Variants in ABI3BP observed in about 807,000 individuals in gnomAD.
The protein encoded by ABI3BP is ABI family member 3 binding protein.
A neutral mutation model predicts 268.6 loss-of-function variants in ABI3BP; 216 were observed. That is an observed-to-expected ratio of 0.80 (90% CI 0.72 to 0.90). ABI3BP has a LOEUF of 0.90. ABI3BP is among the 40% of genes least tolerant of loss of function. The pLI, the probability that ABI3BP is intolerant of heterozygous loss-of-function variation, is 0.00. For synonymous variants in ABI3BP, 730 were observed against 730.0 expected, an observed-to-expected ratio of 1.00 and a Z score of 0.00; for missense variants, 2,090 against 2,182.4, an observed-to-expected ratio of 0.96 and a Z score of 0.84.
intron 32 of ABI3BP, among the ~76,000 whole-genome samples, chr3:100,830,372 CA>C (rs763353996): frequency 6.6e-6 from 1 of 151,570 alleles, no homozygotes; most frequent in Non-Finnish European, 1.5e-5. Flanking sequence ...CATTACATTG[CA>C]ATATATAAAC....
At chr3:100,834,148 A>T (rs1025145442) in intron 29 of ABI3BP, among the ~76,000 whole-genome samples, 5 of 152,052 alleles carry the variant, frequency 3.3e-5, no homozygotes, top group Admixed American at 2.6e-4. Context: ...TTTTTCTTAA[A>T]TTTTTTGTAG....
chr3:100,774,519 G>T, intron 61 of ABI3BP, 86 bp downstream of exon 61: 1 of 1,043,478 alleles, frequency 9.6e-7, no homozygotes, highest in Non-Finnish European at 1.4e-6. Flanking sequence ...ACTAAGATTT[G>T]TGGTTTTTTA....
chr3:100,959,257 G>T (rs530820333), intron 1 of ABI3BP, among the ~76,000 whole-genome samples: 2 of 151,828 alleles, frequency 1.3e-5, no homozygotes, highest in African/African-American at 4.8e-5. Flanking sequence ...TTGGGAGGCC[G>T]AGGCGGGCGG....
rs544224334 is a variant in ABI3BP, at chr3:100,838,382, G to T, written c.2008+20C>A. 5 of 1,533,700 alleles carry T rather than the reference G, an allele frequency of 3.3e-6. No individual in the cohort carries two copies. The highest frequency in any genetic ancestry group is 4.4e-6 in the Non-Finnish European group (5 of 1,144,768). ...ATTGTTTTCCTATTTATAGATCAAG[G>T]CATTGAAAGTAATGATTACCAGGCT... On this transcript the variant is annotated intron_variant, in intron 25 of 67. Transcript: ENST00000471714.
At chr3:100,882,460 A>ATT (rs537647839) in intron 6 of ABI3BP, among the ~76,000 whole-genome samples, 17,577 of 148,624 alleles carry the variant, frequency 0.12, 1,219 homozygotes, top group Middle Eastern at 0.2. Flanking sequence ...ATATATATAT[A>ATT]TTTTTTTTGC....
chr3:100,927,344 C>G (rs2062094757), intron 1 of ABI3BP, among the ~76,000 whole-genome samples: 1 of 152,192 alleles, frequency 6.6e-6, no homozygotes, highest in African/African-American at 2.4e-5. Context: ...ACTTCTGTGA[C>G]TCTGGCATCC....
At chr3:100,846,350 C>CA in intron 20 of ABI3BP, 22 bp downstream of exon 20, 2 of 1,524,546 alleles carry the variant, frequency 1.3e-6, no homozygotes, top group Non-Finnish European at 1.8e-6. Context: ...TTGGAATATT[C>CA]AAAAAAGTTT....
intron 1 of ABI3BP, among the ~76,000 whole-genome samples, chr3:100,986,452 A>C (rs77506050): frequency 0.041 from 6,204 of 152,284 alleles, 198 homozygotes; most frequent in African/African-American, 0.086. Flanking sequence ...ATTTGTTATA[A>C]GAAAAAGATA....
At chr3:100,830,102 CATACATACATATATATATATATATAT>C (rs1218529190) in intron 32 of ABI3BP, among the ~76,000 whole-genome samples, 8 of 56,226 alleles carry the variant, frequency 1.4e-4, no homozygotes, top group African/African-American at 5.8e-4. Context: ...TACATACATA[CATACATACATATATATATATATATAT>C]ATATATATAT....
Position 100,824,954 on chromosome 3 carries a change from A to G in ABI3BP, c.2663-13T>C, listed in dbSNP as rs774746215. 6.5e-7 allele frequency: 1 copy of G among 1,534,460 alleles called. No individual in the cohort carries two copies. The highest frequency in any genetic ancestry group is 1.2e-5 in the South Asian group (1 of 83,926). ...GATGTTTTGGTAGCTGAAGGAAGAA[A>G]AAGCCTTGTGTTACTCTAGGTCTTA... On this transcript the variant is annotated splice_polypyrimidine_tract_variant and intron_variant, in intron 35 of 67. Transcript: ENST00000471714.
At chr3:100,820,121 C>A in intron 40 of ABI3BP, 99 bp downstream of exon 40, 1 of 1,050,936 alleles carries the variant, frequency 9.5e-7, no homozygotes, top group South Asian at 1.5e-5. Context: ...CCTTCATCCA[C>A]ATGGTACTCA....
intron 1 of ABI3BP, among the ~76,000 whole-genome samples, chr3:100,933,747 T>C (rs2064719988): frequency 6.6e-6 from 1 of 151,686 alleles, no homozygotes; most frequent in Non-Finnish European, 1.5e-5. Context: ...AATAGATTCC[T>C]CATTAAAGGA....
chr3:100,867,538 G>A (rs1455512518), intron 9 of ABI3BP, among the ~76,000 whole-genome samples: 1 of 151,138 alleles, frequency 6.6e-6, no homozygotes, highest in African/African-American at 2.4e-5. Context: ...CTACTCTGGA[G>A]GCTGAGGCAG....
At chr3:100,980,716 A>G (rs2713749) in intron 1 of ABI3BP, among the ~76,000 whole-genome samples, 127,718 of 152,170 alleles carry the variant, frequency 0.84, 53,652 homozygotes, top group East Asian at 0.96. Context: ...ATGTTGAAAT[A>G]GTATTAAATG....
In ABI3BP at chr3:100,838,447, T is replaced by A; in HGVS notation, c.1963A>T (p.Arg655Ter). The change falls in exon 25 of 68, where the codon AGA becomes TGA. Residue 655 changes from arginine (R) to a stop codon, truncating the protein, a stop_gained. Coordinates refer to ENST00000471714, the MANE Select transcript of ABI3BP (RefSeq NM_001375547.2). LOFTEE classifies it high-confidence loss of function. ...TCTGGTCTGTGTGTGGTTTTAGGTC[T>A]CTCAGATGGTTTTGAGGCTAAAGAA... The part of the protein sequence containing the change: ...VPTTASKPSE[R>*]PKTTHRPDAP... 6.5e-7 allele frequency: 1 copy of A among 1,535,764 alleles called. No homozygotes were observed. The highest frequency in any genetic ancestry group is 8.7e-7 in the Non-Finnish European group (1 of 1,146,658).
At chr3:100,965,982 G>T (rs762316833) in intron 1 of ABI3BP, among the ~76,000 whole-genome samples, 1 of 152,148 alleles carries the variant, frequency 6.6e-6, no homozygotes, top group Non-Finnish European at 1.5e-5. Flanking sequence ...TCAACCAAGG[G>T]CAAAGATGGG....
intron 2 of ABI3BP, among the ~76,000 whole-genome samples, chr3:100,922,533 G>A (rs569634616): frequency 6.7e-6 from 1 of 149,278 alleles, no homozygotes; most frequent in East Asian, 2.3e-4. Context: ...CGATGGTGAT[G>A]GTGATGGTGA....
intron 9 of ABI3BP, among the ~76,000 whole-genome samples, chr3:100,867,640 C>CAAAAAAAAAA (rs5851230): frequency 7.8e-5 from 5 of 64,224 alleles, no homozygotes; most frequent in African/African-American, 1.9e-4. Flanking sequence ...GACCCCGTCT[C>CAAAAAAAAAA]AAAAAAAAAA....
chr3:100,834,055 C>T (rs559459684), intron 29 of ABI3BP, among the ~76,000 whole-genome samples: 15 of 152,216 alleles, frequency 9.9e-5, no homozygotes, highest in South Asian at 6.2e-4. Context: ...ACTGCAGTCT[C>T]GACTTCCTGG....
Sources: allele counts gnomAD v4.1 joint callset (sites outside exome capture counted in the v4.1 genomes callset), GRCh38; gene constraint gnomAD v4.1.1; transcripts MANE v1.5; gene names NCBI Gene and HGNC (gene_info 2026-07-23, HGNC 2026-07-21).